The following PDZD8 variants were observed in gnomAD, a reference collection of about 807,000 sequenced individuals.
PDZD8 encodes PDZ domain containing 8.
In PDZD8, 14 loss-of-function variants were observed where a neutral mutation model predicts 85.8. The observed-to-expected ratio is 0.16, with a 90% CI of 0.11 to 0.26. The LOEUF (loss-of-function observed/expected upper bound fraction) is 0.26, where lower values mean the gene tolerates loss of function less well. PDZD8 is among the 10% of genes least tolerant of loss of function. The probability of loss-of-function intolerance (pLI) is 1.00; values close to 1 mark genes in which losing one functional copy is unlikely to be tolerated. For missense variants in PDZD8, 1,197 were observed against 1,424.3 expected (o/e 0.84, Z 2.57); for synonymous variants, 592 against 568.6 (o/e 1.04, Z -0.59).
intron 1 of PDZD8, among the ~76,000 whole-genome samples, chr10:117,351,551 G>C (rs952678910): frequency 6.6e-5 from 10 of 152,122 alleles, no homozygotes; most frequent in African/African-American, 2.4e-4. Flanking sequence ...TTGGTTGCTG[G>C]TAACACTCTG....
rs773482525 is a variant in PDZD8 at position 117,283,772 on chromosome 10, T to C, written c.2961A>G (p.Pro987=). 2.5e-6 allele frequency: 4 copies of C among 1,614,226 alleles called. No individual in the cohort carries two copies. The highest frequency in any genetic ancestry group is 2.5e-6 in the Non-Finnish European group (3 of 1,180,036). ...NEGSDTEVCG[P]NSPSKRGNST... is the part of the protein sequence containing the mutation. ...TGTTTCCCCGTTTAGAAGGACTGTT[T>C]GGACCACAGACCTCCGTGTCACTGC... The change falls in exon 5 of 5, where the codon CCA becomes CCG. Residue 987 remains proline, a synonymous_variant. Transcript: ENST00000334464.
At chr10:117,320,747 T>A (rs148034241) in intron 2 of PDZD8, among the ~76,000 whole-genome samples, 108 of 152,182 alleles carry the variant, frequency 7.1e-4, no homozygotes, top group Admixed American at 1.5e-3. Context: ...TGGGAGAAAA[T>A]GTTTGCAAAA....
At chr10:117,360,127 T>C (rs1844971097) in intron 1 of PDZD8, among the ~76,000 whole-genome samples, 1 of 152,208 alleles carries the variant, frequency 6.6e-6, no homozygotes, top group African/African-American at 2.4e-5. Context: ...TTTTTATATA[T>C]ATGCTGAACA....
rs767675720 is a variant in PDZD8, at chr10:117,374,693, C to T, written c.535G>A (p.Gly179Arg). The T allele has an allele frequency of 3.1e-6, 5 of 1,600,026 alleles. No individual in the cohort carries two copies. Among genetic ancestry groups the T allele is most frequent in the Non-Finnish European group, 4.3e-6 (5 of 1,173,818 alleles). Residue 179 changes from glycine to arginine, a missense_variant, in exon 1 of 5, where the codon GGG becomes AGG. Physicochemically the swap from Gly to Arg is moderately radical, Grantham distance 125. Coordinates refer to ENST00000334464, the MANE Select transcript of PDZD8 (RefSeq NM_173791.5). The surrounding 1 kb of genome is among the most constrained non-coding windows in gnomAD (Gnocchi z 7.8). ...SATGEPDGPE[G>R]EALPAACPEE... ...GGGCAGGCGGCGGGCAGCGCCTCCCCTTCAGGGCCATCGGGCTCCCCGGTG... is the reference window on the plus strand; with the variant it reads ...GGGCAGGCGGCGGGCAGCGCCTCCCTTTCAGGGCCATCGGGCTCCCCGGTG...
Position 117,338,649 on chromosome 10 carries a change from T to C in PDZD8, c.995+2331A>G, listed in dbSNP as rs570683681. On this transcript the variant is annotated intron_variant, in intron 2 of 4. Coordinates refer to ENST00000334464, the MANE Select transcript of PDZD8 (RefSeq NM_173791.5). Reference sequence around the variant, plus strand: ...AAAATTCTTATTGGTTTCTCACTTATCCTTTCAGAGATTTATTACACAGTT... The same window carrying C: ...AAAATTCTTATTGGTTTCTCACTTACCCTTTCAGAGATTTATTACACAGTT... 1.9e-4 allele frequency among the ~76,000 whole-genome samples: 29 copies of C among 152,320 alleles called. No homozygotes were observed. In the East Asian group the frequency reaches 2.3e-3, roughly 12 times the overall value.
intron 4 of PDZD8, among the ~76,000 whole-genome samples, chr10:117,288,769 A>G (rs1007551584): frequency 1.3e-5 from 2 of 152,138 alleles, no homozygotes; most frequent in Admixed American, 1.3e-4. Flanking sequence ...CGGCCTCCCA[A>G]AGTGCTGGGA....
intron 3 of PDZD8, among the ~76,000 whole-genome samples, chr10:117,292,220 G>A (rs888930949): frequency 2.0e-5 from 3 of 152,160 alleles, no homozygotes; most frequent in Admixed American, 6.5e-5. Flanking sequence ...AATGGGATAT[G>A]TGGTCAAATT....
intron 3 of PDZD8, chr10:117,314,053 T>C (rs1036111102): frequency 6.6e-6 from 1 of 152,178 alleles, no homozygotes; most frequent in African/African-American, 2.4e-5. Context: ...ATCAAACAAG[T>C]AGAGATCTTA....
At position 117,350,857 on chromosome 10, in the gene PDZD8, T is replaced by C. The variant is rs554469881; in HGVS notation, c.873-9755A>G. On this transcript the variant is annotated intron_variant, in intron 1 of 4. Coordinates refer to ENST00000334464, the MANE Select transcript of PDZD8 (RefSeq NM_173791.5). Reference sequence around the variant, plus strand: ...AGGCAGAGCTTGCAGTAAGCAGAGATTGCACCACTGCACTCCAGCCTGGGT... The same window carrying C: ...AGGCAGAGCTTGCAGTAAGCAGAGACTGCACCACTGCACTCCAGCCTGGGT... Among the ~76,000 whole-genome samples, 6 of 148,500 alleles carry C rather than the reference T, an allele frequency of 4.0e-5. No homozygotes were observed. In the South Asian group the frequency reaches 6.4e-4, roughly 16 times the overall value.
intron 2 of PDZD8, among the ~76,000 whole-genome samples, chr10:117,320,084 C>A (rs968010948): frequency 7.9e-5 from 12 of 151,990 alleles, no homozygotes; most frequent in Admixed American, 5.9e-4. Context: ...CAAAAACAAA[C>A]CCCTAAAATT....
intron 3 of PDZD8, among the ~76,000 whole-genome samples, chr10:117,293,477 ATTT>A (rs200253705): frequency 1.3e-5 from 2 of 152,110 alleles, no homozygotes; most frequent in East Asian, 3.8e-4. Flanking sequence ...GGCTTTTAAG[ATTT>A]TATTACAGAA....
chr10:117,297,523 T>C (rs1021855585), intron 3 of PDZD8, among the ~76,000 whole-genome samples: 4 of 152,114 alleles, frequency 2.6e-5, no homozygotes, highest in South Asian at 2.1e-4. Context: ...GTAACACAAA[T>C]AGCAAGTGGT....
intron 1 of PDZD8, among the ~76,000 whole-genome samples, chr10:117,369,596 T>C (rs1845154632): frequency 6.6e-6 from 1 of 152,200 alleles, no homozygotes; most frequent in Non-Finnish European, 1.5e-5. Context: ...GCAACAGTAA[T>C]GCTCCCTATT....
In PDZD8 at chr10:117,282,966, C is replaced by T. The variant is rs908135184; in HGVS notation, c.*302G>A. On this transcript the variant is annotated 3_prime_UTR_variant, in exon 5 of 5. Coordinates refer to ENST00000334464, the MANE Select transcript of PDZD8 (RefSeq NM_173791.5). ...AAAAATAACACAAGGGGACACCATA[C>T]ATACATAAACATGAAAAGCTAGCTT... 6.8e-6 allele frequency: 2 copies of T among 292,982 alleles called. No individual in the cohort carries two copies. Among genetic ancestry groups the T allele is most frequent in the African/African-American group, 2.2e-5 (1 of 45,574 alleles). The allele number at this position is 292,982 out of a possible 1,614,324, so 18.1% of individuals were successfully genotyped here.
chr10:117,347,863 T>C (rs1844736172), intron 1 of PDZD8, among the ~76,000 whole-genome samples: 1 of 152,134 alleles, frequency 6.6e-6, no homozygotes, highest in Admixed American at 6.5e-5. Context: ...AGATATTATA[T>C]GACTCCATTC....
At chr10:117,368,100 A>C (rs116729744) in intron 1 of PDZD8, among the ~76,000 whole-genome samples, 1,593 of 152,306 alleles carry the variant, frequency 0.01, 25 homozygotes, top group African/African-American at 0.036. Context: ...CTAACCCTAT[A>C]ATAGCATGAA....
rs1844562976 is a variant in PDZD8, at chr10:117,280,662, G to C, written c.*2606C>G. On this transcript the variant is annotated 3_prime_UTR_variant, in exon 5 of 5. Transcript: ENST00000334464. ...CCCACTTGCACTAAAGTACAACTAT[G>C]ATGTCTCTACTGCCTCTCCCAGTGA... 6.6e-6 allele frequency: 1 copy of C among 152,118 alleles called. No homozygotes were observed. Among genetic ancestry groups the C allele is most frequent in the Admixed American group, 6.6e-5 (1 of 15,264 alleles). 9.4% of individuals were successfully genotyped at this position (152,118 alleles called of 1,614,324 possible).
intron 1 of PDZD8, among the ~76,000 whole-genome samples, chr10:117,343,490 AAC>A (rs1175501748): frequency 6.6e-6 from 1 of 152,216 alleles, no homozygotes; most frequent in Non-Finnish European, 1.5e-5. Flanking sequence ...GGGTGCTTTT[AAC>A]ACACAGTCCT....
chr10:117,291,168 C>T (rs913125822), intron 3 of PDZD8, among the ~76,000 whole-genome samples: 12 of 152,012 alleles, frequency 7.9e-5, no homozygotes, highest in African/African-American at 2.7e-4. Context: ...GCCATCCCAC[C>T]CGGCCAGTGT....
Sources: allele counts gnomAD v4.1 joint callset (sites outside exome capture counted in the v4.1 genomes callset), GRCh38; gene constraint gnomAD v4.1.1; non-coding constraint Gnocchi (gnomAD v3.1); transcripts MANE v1.5; gene names NCBI Gene and HGNC (gene_info 2026-07-23, HGNC 2026-07-21).